Variants in PCDH9 observed in about 807,000 individuals in gnomAD.
The protein encoded by PCDH9 is protocadherin-9.
In PCDH9, 24 loss-of-function variants were observed where a neutral mutation model predicts 70.6. The observed-to-expected ratio is 0.34, with a 90% CI of 0.25 to 0.48. PCDH9 has a LOEUF of 0.48. PCDH9 is among the 20% of genes least tolerant of loss of function. The probability of loss-of-function intolerance (pLI) is 0.99; values close to 1 mark genes in which losing one functional copy is unlikely to be tolerated. For missense variants in PCDH9, 1,281 were observed against 1,503.6 expected, an observed-to-expected ratio of 0.85 and a Z score of 2.45; for synonymous variants, 562 against 558.5, an observed-to-expected ratio of 1.01 and a Z score of -0.09.
chr13:66,750,785 T>A (rs901138745), intron 3 of PCDH9, among the ~76,000 whole-genome samples: 1 of 151,250 alleles, frequency 6.6e-6, no homozygotes, highest in Non-Finnish European at 1.5e-5. Context: ...ATAACAAATA[T>A]AAAAATAAAA....
rs543556811 is a variant in PCDH9 at position 66,445,587 on chromosome 13, A to G, written c.3341-140559T>C. Among the ~76,000 whole-genome samples the G allele has an allele frequency of 3.7e-4, 52 of 142,216 alleles. 1 individual carries two copies. Among genetic ancestry groups the G allele is most frequent in the East Asian group, 3.0e-3 (15 of 5,014 alleles). The allele number at this position is 142,216 out of a possible 152,430, so 93.3% of individuals were successfully genotyped here. A position where few individuals can be genotyped will look rare whatever the true frequency, so the allele number is the denominator to read the frequency against. Reference sequence around the variant, plus strand: ...ATACGTGTATATATTATATATACACATATATATTATATACACATATATATT... The same window carrying G: ...ATACGTGTATATATTATATATACACGTATATATTATATACACATATATATT... On this transcript the variant is annotated intron_variant, in intron 4 of 4. Coordinates refer to ENST00000377865, the MANE Select transcript of PCDH9 (RefSeq NM_203487.3).
In PCDH9 at chr13:66,749,001, C is replaced by T. The variant is rs183028514; in HGVS notation, c.3139-117590G>A. Among the ~76,000 whole-genome samples the T allele has an allele frequency of 1.9e-3, 294 of 152,136 alleles. 1 individual carries two copies. Among genetic ancestry groups the T allele is most frequent in the Non-Finnish European group, 3.5e-3 (238 of 67,992 alleles). The stretch of plus-strand genomic sequence containing the variant: ...CTGATGTGGTTTTATAAGGGGCTTC[C>T]CCCTTCATTCATTTTTCTTCTTCCT... On this transcript the variant is annotated intron_variant, in intron 3 of 4. Transcript: ENST00000377865.
At chr13:67,052,253 C>A (rs573732851) in intron 2 of PCDH9, among the ~76,000 whole-genome samples, 2 of 151,896 alleles carry the variant, frequency 1.3e-5, no homozygotes, top group Non-Finnish European at 2.9e-5. Context: ...TCAATGGGGA[C>A]GTCCTGAGAA....
intron 4 of PCDH9, among the ~76,000 whole-genome samples, chr13:66,412,637 A>G (rs1476361282): frequency 6.6e-6 from 1 of 152,246 alleles, no homozygotes. Context: ...AATATAAGAT[A>G]CAGTCAGATA....
intron 2 of PCDH9, among the ~76,000 whole-genome samples, chr13:67,001,692 C>T (rs73211157): frequency 0.13 from 19,270 of 152,160 alleles, 1,474 homozygotes; most frequent in Middle Eastern, 0.17. Context: ...GAGGGGACGG[C>T]AGAGTCCCCC....
At chr13:67,024,920 T>C (rs1409824444) in intron 2 of PCDH9, among the ~76,000 whole-genome samples, 1 of 152,162 alleles carries the variant, frequency 6.6e-6, no homozygotes, top group East Asian at 1.9e-4. Context: ...TAAGTCTTCA[T>C]TGTTTTAGTT....
intron 3 of PCDH9, among the ~76,000 whole-genome samples, chr13:66,669,998 G>T (rs2078150010): frequency 6.6e-6 from 1 of 152,004 alleles, no homozygotes; most frequent in Non-Finnish European, 1.5e-5. Flanking sequence ...CCACCAAAAG[G>T]TACCTCTAAA....
chr13:67,149,448 C>T (rs1376384320), intron 2 of PCDH9, among the ~76,000 whole-genome samples: 1 of 151,812 alleles, frequency 6.6e-6, no homozygotes, highest in African/African-American at 2.4e-5. Flanking sequence ...GTGCCCAGCA[C>T]ATTGTTAGGC....
intron 2 of PCDH9, among the ~76,000 whole-genome samples, chr13:66,932,229 AG>A (rs925069566): frequency 2.6e-5 from 4 of 152,096 alleles, no homozygotes; most frequent in Non-Finnish European, 5.9e-5. Flanking sequence ...GCCACTTGCT[AG>A]GTGTTTAATA....
Position 66,546,089 on chromosome 13 carries a change from C to T in PCDH9, c.3340+85121G>A, listed in dbSNP as rs530095909. The stretch of plus-strand genomic sequence containing the variant: ...TCCTGACCTCATGATCCATCCATCT[C>T]GGCCTCCCAAAGTGCTGGGATTACA... On this transcript the variant is annotated intron_variant, in intron 4 of 4. Transcript: ENST00000377865. Among the ~76,000 whole-genome samples, 13 of 151,884 alleles carry T rather than the reference C, an allele frequency of 8.6e-5. No individual in the cohort carries two copies. The South Asian group carries it at 1.3e-3, about 15-fold the overall frequency.
intron 2 of PCDH9, chr13:67,218,976 TA>T (rs956865668): frequency 2.6e-5 from 4 of 152,058 alleles, no homozygotes; most frequent in African/African-American, 9.7e-5. Flanking sequence ...AAATAATGAA[TA>T]AATATGTAAA....
At chr13:66,862,162 T>C (rs773950494) in intron 3 of PCDH9, among the ~76,000 whole-genome samples, 19 of 152,334 alleles carry the variant, frequency 1.2e-4, no homozygotes, top group African/African-American at 1.9e-4. Context: ...ATTTAAATAA[T>C]ATGTTCTCAA....
intron 2 of PCDH9, among the ~76,000 whole-genome samples, chr13:66,966,478 G>A (rs1226038264): frequency 6.6e-6 from 1 of 152,050 alleles, no homozygotes; most frequent in African/African-American, 2.4e-5. Flanking sequence ...CTCAGTCGAG[G>A]CTGCCAATAA....
At chr13:67,054,924 G>T (rs543945972) in intron 2 of PCDH9, among the ~76,000 whole-genome samples, 13 of 152,248 alleles carry the variant, frequency 8.5e-5, no homozygotes, top group Admixed American at 8.5e-4. Context: ...GAATATGTTG[G>T]GCTGGGCAAA....
chr13:66,908,832 T>A (rs886576975), intron 2 of PCDH9, among the ~76,000 whole-genome samples: 1 of 152,142 alleles, frequency 6.6e-6, no homozygotes. Flanking sequence ...ATTGAACAAA[T>A]CAGTGTTCAG....
Position 66,951,438 on chromosome 13 carries a change from CAGAA to C in PCDH9, c.3037-47837_3037-47834del, listed in dbSNP as rs370610066. On this transcript the variant is annotated intron_variant, in intron 2 of 4. Transcript: ENST00000377865. ...CTTGTTTTTTGTTTGTTTTTCATAT[CAGAA>C]AGAGTGAATGCAGACGTAATTGAGC... 9.5e-4 allele frequency among the ~76,000 whole-genome samples: 144 copies of C among 152,134 alleles called. 2 individuals are homozygous for C. The Middle Eastern group carries it at 0.024, about 25-fold the overall frequency.
chr13:67,220,442 C>A (rs1480076741), intron 2 of PCDH9: 1 of 151,796 alleles, frequency 6.6e-6, no homozygotes, highest in Non-Finnish European at 1.5e-5. Context: ...TCTAAATTCC[C>A]TCTACTTTAC....
intron 2 of PCDH9, chr13:67,204,014 A>G (rs1169152864): frequency 6.6e-6 from 1 of 152,090 alleles, no homozygotes; most frequent in East Asian, 1.9e-4. Flanking sequence ...AACTTCAAAA[A>G]GACATGGAAA....
intron 4 of PCDH9, among the ~76,000 whole-genome samples, chr13:66,553,546 T>C (rs966013752): frequency 6.6e-5 from 10 of 152,068 alleles, no homozygotes; most frequent in Non-Finnish European, 1.2e-4. Flanking sequence ...CCACTAGAAA[T>C]TGGAGAGTTG....
Sources: allele counts gnomAD v4.1 joint callset (sites outside exome capture counted in the v4.1 genomes callset), GRCh38; gene constraint gnomAD v4.1.1; transcripts MANE v1.5; gene names NCBI Gene and HGNC (gene_info 2026-07-23, HGNC 2026-07-21).